The following NRXN3 variants were observed in gnomAD, a reference collection of about 807,000 sequenced individuals.
NRXN3 encodes neurexin 3.
In NRXN3, 32 loss-of-function variants were observed where a neutral mutation model predicts 137.6. That is an observed-to-expected ratio of 0.23 (90% CI 0.18 to 0.31). The LOEUF is 0.31. Among genes scored for constraint, NRXN3 ranks in the 10% least tolerant of loss-of-function variants. NRXN3 has a pLI of 1.00. For synonymous variants in NRXN3, 798 were observed against 784.5 expected (o/e 1.02, Z -0.29); for missense variants, 1,574 against 2,062.5 (o/e 0.76, Z 4.59).
At chr14:78,842,532 T>C (rs2099015445) in intron 10 of NRXN3, among the ~76,000 whole-genome samples, 1 of 151,952 alleles carries the variant, frequency 6.6e-6, no homozygotes. Flanking sequence ...TGGGGCAAAA[T>C]TAAAATTGCT....
intron 16 of NRXN3, among the ~76,000 whole-genome samples, chr14:79,644,415 T>C (rs950132855): frequency 1.5e-5 from 2 of 135,814 alleles, no homozygotes; most frequent in Admixed American, 1.6e-4. Context: ...AGCAGAGAAC[T>C]GGATAAAGAG....
chr14:78,212,017 C>G (rs188169340), intron 1 of NRXN3, among the ~76,000 whole-genome samples: 2 of 152,272 alleles, frequency 1.3e-5, no homozygotes, highest in East Asian at 1.9e-4. Context: ...GCAAATGGAG[C>G]CTCCTACTTT....
chr14:79,174,329 G>A (rs1026378514), intron 15 of NRXN3, among the ~76,000 whole-genome samples: 8 of 151,998 alleles, frequency 5.3e-5, no homozygotes, highest in Admixed American at 1.3e-4. Flanking sequence ...CTCCTTCATC[G>A]TCAGACAATT....
At chr14:78,673,733 C>T (rs1053316721) in intron 6 of NRXN3, among the ~76,000 whole-genome samples, 2 of 152,150 alleles carry the variant, frequency 1.3e-5, no homozygotes, top group Non-Finnish European at 2.9e-5. Context: ...CCTAAGGGCG[C>T]TAATCCCACT....
chr14:79,193,986 T>A (rs2064789245), intron 15 of NRXN3, among the ~76,000 whole-genome samples: 1 of 152,362 alleles, frequency 6.6e-6, no homozygotes, highest in African/African-American at 2.4e-5. Flanking sequence ...AAATAACTAT[T>A]TGAAACTTGA....
At chr14:79,067,510 C>T (rs1161448647) in intron 15 of NRXN3, among the ~76,000 whole-genome samples, 1 of 152,090 alleles carries the variant, frequency 6.6e-6, no homozygotes, top group Non-Finnish European at 1.5e-5. Flanking sequence ...CCCTCCTCTT[C>T]AATTTTTTGA....
At chr14:79,017,656 A>G (rs2099581552) in intron 15 of NRXN3, among the ~76,000 whole-genome samples, 1 of 152,116 alleles carries the variant, frequency 6.6e-6, no homozygotes, top group Non-Finnish European at 1.5e-5. Flanking sequence ...TGCACATTCT[A>G]TGCTATATAT....
At chr14:78,644,592 G>A (rs2097668196) in intron 4 of NRXN3, among the ~76,000 whole-genome samples, 1 of 152,174 alleles carries the variant, frequency 6.6e-6, no homozygotes, top group South Asian at 2.1e-4. Context: ...GTTCCAGGGG[G>A]CTTAGGACTG....
chr14:78,712,119 T>C (rs899919694), intron 7 of NRXN3, among the ~76,000 whole-genome samples: 2 of 152,222 alleles, frequency 1.3e-5, no homozygotes, highest in African/African-American at 4.8e-5. Context: ...AGGTTGTATT[T>C]AAGGCTCTAA....
At chr14:79,606,777 A>G (rs1219753393) in intron 16 of NRXN3, among the ~76,000 whole-genome samples, 1 of 152,230 alleles carries the variant, frequency 6.6e-6, no homozygotes, top group African/African-American at 2.4e-5. Flanking sequence ...CAAGGAACTC[A>G]GTCAATAATT....
chr14:78,706,680 G>A (rs974623783), intron 6 of NRXN3, among the ~76,000 whole-genome samples: 1 of 152,146 alleles, frequency 6.6e-6, no homozygotes, highest in Admixed American at 6.5e-5. Flanking sequence ...ATGGAGAGGT[G>A]TTAAATCCTT....
intron 18 of NRXN3, among the ~76,000 whole-genome samples, chr14:79,693,363 G>A (rs543762827): frequency 1.8e-4 from 28 of 152,086 alleles, no homozygotes; most frequent in Middle Eastern, 3.4e-3. Context: ...ACCTTTAAAC[G>A]TGGAAAATCC....
intron 8 of NRXN3, among the ~76,000 whole-genome samples, chr14:78,750,948 T>G (rs941772390): frequency 6.6e-6 from 1 of 152,144 alleles, no homozygotes; most frequent in African/African-American, 2.4e-5. Flanking sequence ...TTTCACAATA[T>G]TGAAAATATA....
At position 78,398,373 on chromosome 14, in the gene NRXN3, A is replaced by T. The variant is rs117353722; in HGVS notation, c.757+100513A>T. 8.0e-3 allele frequency among the ~76,000 whole-genome samples: 1,216 copies of T among 151,700 alleles called. 38 individuals are homozygous for T. The East Asian group carries it at 0.083, about 10-fold the overall frequency. On this transcript the variant is annotated intron_variant, in intron 4 of 20. Coordinates refer to ENST00000335750, the MANE Select transcript of NRXN3 (RefSeq NM_001330195.2). ...TGGACACTTTGGTTATTATTTTGAG[A>T]CTCTGGGTCTTATTTAAACTTTCTG...
chr14:78,902,242 C>T (rs1271465439), intron 10 of NRXN3, among the ~76,000 whole-genome samples: 1 of 152,028 alleles, frequency 6.6e-6, no homozygotes, highest in Non-Finnish European at 1.5e-5. Context: ...TATAGACACG[C>T]CTCACTTTCT....
intron 4 of NRXN3, among the ~76,000 whole-genome samples, chr14:78,527,574 T>A (rs552766742): frequency 6.6e-6 from 1 of 152,294 alleles, no homozygotes; most frequent in South Asian, 2.1e-4. Flanking sequence ...TCAGCCTTCT[T>A]TTCTGTGTTA....
intron 8 of NRXN3, among the ~76,000 whole-genome samples, chr14:78,791,402 A>G (rs752810953): frequency 3.3e-5 from 5 of 152,194 alleles, no homozygotes; most frequent in Non-Finnish European, 4.4e-5. Flanking sequence ...CTCAAAAATT[A>G]GGAGCAAGAC....
intron 15 of NRXN3, among the ~76,000 whole-genome samples, chr14:79,072,956 G>A: frequency 6.6e-6 from 1 of 150,908 alleles, no homozygotes. Flanking sequence ...TGCAATCTCG[G>A]CTCACTGCAA....
intron 11 of NRXN3, among the ~76,000 whole-genome samples, chr14:78,960,909 G>A (rs1396281150): frequency 3.9e-5 from 6 of 152,032 alleles, no homozygotes; most frequent in African/African-American, 7.2e-5. Flanking sequence ...AGGAGTGTGC[G>A]GTCAAACAAA....
Sources: allele counts gnomAD v4.1 joint callset (sites outside exome capture counted in the v4.1 genomes callset), GRCh38; gene constraint gnomAD v4.1.1; transcripts MANE v1.5; gene names NCBI Gene and HGNC (gene_info 2026-07-23, HGNC 2026-07-21).